The following CREBZF variants were observed in gnomAD, a reference collection of about 807,000 sequenced individuals.
CREBZF encodes CREB/ATF bZIP transcription factor.
CREBZF carries 8 observed loss-of-function variants against 21.1 expected under a neutral mutation model. That is an observed-to-expected ratio of 0.38 (90% CI 0.22 to 0.68). The LOEUF (loss-of-function observed/expected upper bound fraction) is 0.68. CREBZF is among the 30% of genes least tolerant of loss of function. CREBZF has a pLI of 0.51. For synonymous variants in CREBZF, 270 were observed against 223.3 expected, an observed-to-expected ratio of 1.21 and a Z score of -1.86; for missense variants, 518 against 484.3, an observed-to-expected ratio of 1.07 and a Z score of -0.65.
intron 1 of CREBZF, among the ~76,000 whole-genome samples, chr11:85,678,173 C>T (rs1040690794): frequency 3.3e-5 from 5 of 152,136 alleles, no homozygotes; most frequent in Non-Finnish European, 5.9e-5. Flanking sequence ...TGTTTTCTGA[C>T]ACACCTAGAT....
upstream of CREBZF, among the ~76,000 whole-genome samples, chr11:85,668,415 A>G (rs951595747): frequency 1.3e-5 from 2 of 152,218 alleles, no homozygotes; most frequent in African/African-American, 4.8e-5. Flanking sequence ...GTTACTATGT[A>G]GGACAGCTAT....
intron 1 of CREBZF, among the ~76,000 whole-genome samples, chr11:85,677,047 T>A (rs1293820301): frequency 2.0e-5 from 3 of 146,354 alleles, no homozygotes; most frequent in African/African-American, 7.6e-5. Flanking sequence ...CACTGCAACC[T>A]CCGCCTCCCA....
chr11:85,661,217 T>C lies in CREBZF; in HGVS notation c.*2594A>G, dbSNP rs901092762. Reference sequence around the variant, plus strand: ...TGCTTACACATAAATATGACCAAATTTATTTAAAGCCCCTATTAGATAGAT... The same window carrying C: ...TGCTTACACATAAATATGACCAAATCTATTTAAAGCCCCTATTAGATAGAT... On this transcript the variant is annotated 3_prime_UTR_variant, in exon 1 of 1. Coordinates refer to ENST00000527447, the MANE Select transcript of CREBZF (RefSeq NM_001039618.4). The C allele has an allele frequency of 1.3e-5, 2 of 152,330 alleles. No homozygotes were observed. The highest frequency in any genetic ancestry group is 2.9e-5 in the Non-Finnish European group (2 of 67,918). The allele number at this position is 152,330 out of a possible 1,614,324, so 9.4% of individuals were successfully genotyped here.
At position 85,664,801 on chromosome 11, in the gene CREBZF, C is replaced by T; in HGVS notation, c.75G>A (p.Pro25=). 1.3e-6 allele frequency: 2 copies of T among 1,574,220 alleles called. No homozygotes were observed. Among genetic ancestry groups the T allele is most frequent in the Non-Finnish European group, 8.6e-7 (1 of 1,163,816 alleles). The change falls in exon 1 of 1, where the codon CCG becomes CCA. Residue 25 remains proline (P), a synonymous_variant. Coordinates refer to ENST00000527447, the MANE Select transcript of CREBZF (RefSeq NM_001039618.4). The surrounding 1 kb of genome is among the most constrained non-coding windows in gnomAD (Gnocchi z 5.5). ...NSPTRSESPE[P]AATCSLPSDL... is the part of the protein sequence containing the mutation. ...CAGAGGGCAGCGAACAAGTTGCAGC[C>T]GGCTCCGGGCTCTCACTGCGGGTTG...
At chr11:85,677,120 C>A (rs2082948080) in intron 1 of CREBZF, among the ~76,000 whole-genome samples, 1 of 151,882 alleles carries the variant, frequency 6.6e-6, no homozygotes, top group Non-Finnish European at 1.5e-5. Flanking sequence ...CCAGCCACCA[C>A]AACTGGCTAA....
chr11:85,664,428 C>G lies in CREBZF; in HGVS notation c.448G>C (p.Glu150Gln). ...GGLWRGDDDD[E>Q]AAAAEMQRFS... ...CGCTGCATTTCAGCAGCCGCGGCCT[C>G]ATCGTCATCGTCCCCTCTCCACAGG... The change falls in exon 1 of 1, where the codon GAG (glutamate) becomes CAG (glutamine). Residue 150 changes from glutamate to glutamine, a missense_variant. Glu to Gln is a conservative substitution (Grantham distance 29). Transcript: ENST00000527447. This position sits in a 1 kb window ranked among gnomAD's most constrained non-coding sequence, Gnocchi z 5.5. The G allele has an allele frequency of 6.2e-7, 1 of 1,613,806 alleles. No individual in the cohort carries two copies. Among genetic ancestry groups the G allele is most frequent in the Non-Finnish European group, 8.5e-7 (1 of 1,180,014 alleles).
chr11:85,657,995 A>C lies in CREBZF; in HGVS notation c.*5816T>G, dbSNP rs577778865. Among the ~76,000 whole-genome samples the C allele has an allele frequency of 6.6e-6, 1 of 152,136 alleles. No individual in the cohort carries two copies. The highest frequency in any genetic ancestry group is 6.5e-5 in the Admixed American group (1 of 15,274). The stretch of plus-strand genomic sequence containing the variant: ...ACAGAAAAATATATATAACATTTAA[A>C]GGGCAAAACAATATAGCTGTTTATT... On this transcript the variant is annotated 3_prime_UTR_variant, in exon 1 of 1. Transcript: ENST00000527447.
chr11:85,668,807 C>G (rs2082889455), upstream of CREBZF, among the ~76,000 whole-genome samples: 10 of 150,988 alleles, frequency 6.6e-5, no homozygotes, highest in Admixed American at 6.6e-4. Context: ...TCGAGACCAT[C>G]CTGGCTAACA....
upstream of CREBZF, among the ~76,000 whole-genome samples, chr11:85,666,008 T>C (rs1292467238): frequency 6.6e-6 from 1 of 152,212 alleles, no homozygotes; most frequent in African/African-American, 2.4e-5. Flanking sequence ...TTATTGACCT[T>C]TGTAGCTAAG....
rs893330994 is a variant in CREBZF at position 85,662,665 on chromosome 11, A to G, written c.*1146T>C. Reference sequence around the variant, plus strand: ...AAGTGGCCAGAACCACTCAATTTAAAAAATTATTTTAAAATAGGACAAATA... The same window carrying G: ...AAGTGGCCAGAACCACTCAATTTAAGAAATTATTTTAAAATAGGACAAATA... On this transcript the variant is annotated 3_prime_UTR_variant, in exon 1 of 1. Transcript: ENST00000527447. The G allele has an allele frequency of 4.9e-6, 2 of 405,058 alleles. No homozygotes were observed. Among genetic ancestry groups the G allele is most frequent in the African/African-American group, 4.0e-5 (2 of 49,616 alleles). 25.1% of individuals were successfully genotyped at this position (405,058 alleles called of 1,614,324 possible).
Position 85,662,502 on chromosome 11 carries a change from T to C in CREBZF, c.*1309A>G, listed in dbSNP as rs1381817660. On this transcript the variant is annotated 3_prime_UTR_variant, in exon 1 of 1. Coordinates refer to ENST00000527447, the MANE Select transcript of CREBZF (RefSeq NM_001039618.4). Reference sequence around the variant, plus strand: ...AAGGATGCTAAATACGTATATACTTTATCAAGCAGTGATGTTTCACAAAGA... The same window carrying C: ...AAGGATGCTAAATACGTATATACTTCATCAAGCAGTGATGTTTCACAAAGA... 1.4e-6 allele frequency: 1 copy of C among 699,482 alleles called. No homozygotes were observed. The highest frequency in any genetic ancestry group is 2.1e-5 in the Admixed American group (1 of 47,242). 43.3% of individuals were successfully genotyped at this position (699,482 alleles called of 1,614,324 possible).
At position 85,663,651 on chromosome 11, in the gene CREBZF, G is replaced by A; in HGVS notation, c.*160C>T. 1 of 1,599,424 alleles carries A rather than the reference G, an allele frequency of 6.3e-7. No individual in the cohort carries two copies. The highest frequency in any genetic ancestry group is 8.5e-7 in the Non-Finnish European group (1 of 1,172,770). On this transcript the variant is annotated 3_prime_UTR_variant, in exon 1 of 1. Transcript: ENST00000527447. Reference sequence around the variant, plus strand: ...ATGTTATCATTAGGAGTTGGTTACTGTGTCACATTCATGCTTTTAGCTAAA... The same window carrying A: ...ATGTTATCATTAGGAGTTGGTTACTATGTCACATTCATGCTTTTAGCTAAA...
rs1267544061 is a variant in CREBZF at position 85,660,234 on chromosome 11, A to T, written c.*3577T>A. ...AATTCCATAGAATATGCTCTTGATT[A>T]TGTAAAAACTCTAATTTCTTGATGA... On this transcript the variant is annotated 3_prime_UTR_variant, in exon 1 of 1. Coordinates refer to ENST00000527447, the MANE Select transcript of CREBZF (RefSeq NM_001039618.4). 3 of 170,214 alleles carry T rather than the reference A, an allele frequency of 1.8e-5. No individual in the cohort carries two copies. Among genetic ancestry groups the T allele is most frequent in the Admixed American group, 6.2e-5 (1 of 16,050 alleles). The allele number at this position is 170,214 out of a possible 1,614,324, so 10.5% of individuals were successfully genotyped here. A position where few individuals can be genotyped will look rare whatever the true frequency, so the allele number is the denominator to read the frequency against.
At position 85,663,693 on chromosome 11, in the gene CREBZF, A is replaced by T. The variant is rs2082755179; in HGVS notation, c.*118T>A. The T allele has an allele frequency of 8.1e-6, 13 of 1,609,552 alleles. No individual in the cohort carries two copies. The South Asian group carries it at 1.3e-4, about 16-fold the overall frequency. ...TTAGCTAAACACTTTAAGATTCAAT[A>T]TTACTTTTTTTCTCTCCTCTGAAAT... is the stretch of plus-strand genomic sequence containing the variant. On this transcript the variant is annotated 3_prime_UTR_variant, in exon 1 of 1. Transcript: ENST00000527447.
upstream of CREBZF, among the ~76,000 whole-genome samples, chr11:85,668,828 C>G (rs2082889572): frequency 6.6e-6 from 1 of 150,440 alleles, no homozygotes; most frequent in Non-Finnish European, 1.5e-5. Context: ...CGGTGAAACC[C>G]CGTCTCTACT....
At position 85,674,562 on chromosome 11, in the gene CREBZF, T is replaced by G. The variant is rs774521642; in HGVS notation, n.147+8155A>C. On this transcript the variant is annotated intron_variant and non_coding_transcript_variant, in intron 1 of 3. Transcript: ENST00000531515. The stretch of plus-strand genomic sequence containing the variant: ...ATGAGCACTGGCTTCAACTTAAAAG[T>G]CACCAGCTGCATTAGCCCATTAGCC... Among the ~76,000 whole-genome samples, 12 of 152,210 alleles carry G rather than the reference T, an allele frequency of 7.9e-5. No homozygotes were observed. In the South Asian group the frequency reaches 2.5e-3, roughly 32 times the overall value.
At chr11:85,669,154 G>GGAA (rs1259204019), upstream of CREBZF, among the ~76,000 whole-genome samples, 1 of 151,802 alleles carries the variant, frequency 6.6e-6, no homozygotes, top group Non-Finnish European at 1.5e-5. Context: ...GTCTTTGGGG[G>GGAA]GAAGGAGCCA....
upstream of CREBZF, among the ~76,000 whole-genome samples, chr11:85,666,248 T>A (rs2082860919): frequency 6.6e-6 from 1 of 152,166 alleles, no homozygotes; most frequent in African/African-American, 2.4e-5. Flanking sequence ...AATACAGATA[T>A]TTAGGTTCAC....
intron 1 of CREBZF, among the ~76,000 whole-genome samples, chr11:85,670,281 C>G (rs1437818461): frequency 1.3e-4 from 13 of 99,500 alleles, no homozygotes; most frequent in African/African-American, 3.8e-4. Context: ...CCCCCCCCCC[C>G]ACAATAAGAT....
Sources: allele counts gnomAD v4.1 joint callset (sites outside exome capture counted in the v4.1 genomes callset), GRCh38; gene constraint gnomAD v4.1.1; non-coding constraint Gnocchi (gnomAD v3.1); transcripts MANE v1.5; gene names NCBI Gene and HGNC (gene_info 2026-07-23, HGNC 2026-07-21).